The following UPP2 variants were observed in gnomAD, a reference collection of about 807,000 sequenced individuals.
The protein encoded by UPP2 is uridine phosphorylase 2, also known as UPase 2.
In UPP2, 23 loss-of-function variants were observed where a neutral mutation model predicts 26.7. The ratio of observed to expected loss-of-function variants is 0.86; its 90% CI spans 0.62 to 1.22. UPP2 has a LOEUF of 1.22. Among genes scored for constraint, UPP2 ranks in the 50% most tolerant of loss-of-function variants. The pLI is 0.00. For synonymous variants in UPP2, 127 were observed against 141.3 expected, an observed-to-expected ratio of 0.90 and a Z score of 0.72; for missense variants, 387 against 396.7, an observed-to-expected ratio of 0.98 and a Z score of 0.21.
intron 3 of UPP2, among the ~76,000 whole-genome samples, chr2:158,047,422 T>A (rs1231922048): frequency 6.6e-6 from 1 of 152,234 alleles, no homozygotes; most frequent in Non-Finnish European, 1.5e-5. Context: ...AGTTTAAACC[T>A]GCCTTTTTCC....
upstream of UPP2, among the ~76,000 whole-genome samples, chr2:158,100,738 T>G (rs1027183699): frequency 3.3e-5 from 5 of 152,244 alleles, no homozygotes; most frequent in African/African-American, 1.2e-4. Context: ...CCAGGATAAG[T>G]GTCCTCAGGA....
intron 3 of UPP2, among the ~76,000 whole-genome samples, chr2:158,072,054 T>G (rs911993889): frequency 2.6e-5 from 4 of 152,148 alleles, no homozygotes; most frequent in African/African-American, 9.7e-5. Context: ...CCTTGGTTCT[T>G]GGACAGCTTT....
At chr2:158,024,104 G>A (rs1007437387) in intron 3 of UPP2, among the ~76,000 whole-genome samples, 15 of 152,154 alleles carry the variant, frequency 9.9e-5, no homozygotes, top group African/African-American at 3.1e-4. Flanking sequence ...CCAATTCTTA[G>A]GTCTTGAGGA....
chr2:158,097,675 C>T (rs1238084454), upstream of UPP2, among the ~76,000 whole-genome samples: 2 of 152,220 alleles, frequency 1.3e-5, no homozygotes, highest in African/African-American at 4.8e-5. Context: ...GCCTCCACTA[C>T]ACCAACCCTC....
chr2:158,131,397 G>A (rs911183084), intron 6 of UPP2, among the ~76,000 whole-genome samples: 28 of 152,150 alleles, frequency 1.8e-4, no homozygotes, highest in African/African-American at 6.8e-4. Context: ...ATAGGGGTGC[G>A]TGGATTCCTA....
At chr2:158,077,314 C>T (rs1268162621) in intron 3 of UPP2, among the ~76,000 whole-genome samples, 1 of 151,940 alleles carries the variant, frequency 6.6e-6, no homozygotes, top group East Asian at 1.9e-4. Flanking sequence ...TATGAAACCA[C>T]AAAAGACTCA....
chr2:158,035,621 C>T (rs76165121), intron 3 of UPP2, among the ~76,000 whole-genome samples: 7,340 of 152,212 alleles, frequency 0.048, 317 homozygotes, highest in East Asian at 0.13. Flanking sequence ...GGCTTGTAAC[C>T]TGAGCTGGCC....
exon 2 of UPP2, chr2:157,995,232 C>A: frequency 1.2e-6 from 2 of 1,613,636 alleles, no homozygotes; most frequent in Non-Finnish European, 1.7e-6. Context: ...GGACCCAGAC[C>A]AAGAAGTGGT....
At chr2:158,132,206 T>A (rs1209600758) in intron 6 of UPP2, among the ~76,000 whole-genome samples, 1 of 152,238 alleles carries the variant, frequency 6.6e-6, no homozygotes, top group East Asian at 1.9e-4. Context: ...TCCTAGGTGA[T>A]GAAATATTTG....
intron 2 of UPP2, among the ~76,000 whole-genome samples, chr2:158,114,722 T>C (rs1261763110): frequency 6.6e-6 from 1 of 152,222 alleles, no homozygotes; most frequent in Non-Finnish European, 1.5e-5. Flanking sequence ...CTTACATCAC[T>C]CACGTGCCGT....
intron 3 of UPP2, among the ~76,000 whole-genome samples, chr2:158,092,477 G>C (rs1291436495): frequency 3.3e-5 from 5 of 152,128 alleles, no homozygotes; most frequent in African/African-American, 4.8e-5. Flanking sequence ...TGGCAATCTG[G>C]AATTCTAGAC....
rs149534935 is a variant in UPP2, at chr2:158,064,844, A to G, written c.148-37196A>G. ...TCCCAACACCATTTATTAAATAGGA[A>G]TCTTTTCCCCATTGCTTTTTTGTGT... On this transcript the variant is annotated intron_variant, in intron 3 of 9. Transcript: ENST00000605860. 6.6e-3 allele frequency among the ~76,000 whole-genome samples: 1,009 copies of G among 152,282 alleles called. 61 individuals are homozygous for G. The East Asian group carries it at 0.1, about 15-fold the overall frequency.
intron 5 of UPP2, among the ~76,000 whole-genome samples, chr2:158,122,485 G>C (rs976077872): frequency 3.3e-5 from 5 of 151,926 alleles, no homozygotes; most frequent in African/African-American, 1.2e-4. Context: ...GGTCCAATAG[G>C]GTTGGGACCC....
chr2:158,117,888 C>T lies in UPP2; in HGVS notation c.404C>T (p.Ala135Val), dbSNP rs1049257511. 6.2e-7 allele frequency: 1 copy of T among 1,613,118 alleles called. No individual in the cohort carries two copies. Among genetic ancestry groups the T allele is most frequent in the African/African-American group, 1.3e-5 (1 of 74,890 alleles). The change falls in exon 4 of 7, where the codon GCA becomes GTA. Residue 135 changes from alanine to valine, a missense_variant. By Grantham distance (64) the Ala-to-Val change is moderately conservative. Transcript: ENST00000005756. ...GAACTCATCAAATTACTCCACCATG[C>T]ACGGTGCTGCGATGTCACCATTATT... is the stretch of plus-strand genomic sequence containing the variant. ...LHELIKLLHH[A>V]RCCDVTIIRI...
intron 2 of UPP2, among the ~76,000 whole-genome samples, chr2:158,011,678 G>A (rs576360642): frequency 1.3e-5 from 2 of 152,072 alleles, no homozygotes; most frequent in East Asian, 1.9e-4. Flanking sequence ...GAGGGAGGGA[G>A]GGAGGGAAGG....
rs190845382 is a variant in UPP2, at chr2:158,094,953, A to G, written c.148-7087A>G. 1.3e-3 allele frequency among the ~76,000 whole-genome samples: 194 copies of G among 152,240 alleles called. 1 individual carries two copies. The highest frequency in any genetic ancestry group is 4.5e-3 in the African/African-American group (186 of 41,536). ...GCTTTCATCAGGTGCTGAAAGACTAACACGGGCTTTAATCTCCAAGGCTTG... is the reference window on the plus strand; with the variant it reads ...GCTTTCATCAGGTGCTGAAAGACTAGCACGGGCTTTAATCTCCAAGGCTTG... On this transcript the variant is annotated intron_variant, in intron 3 of 9. Transcript: ENST00000605860.
chr2:158,057,856 T>G (rs768625039), intron 3 of UPP2, among the ~76,000 whole-genome samples: 2 of 152,136 alleles, frequency 1.3e-5, no homozygotes, highest in African/African-American at 2.4e-5. Flanking sequence ...TGAACTGAAT[T>G]GTGTCCTCCT....
At chr2:158,069,161 A>G (rs1005232742) in intron 3 of UPP2, among the ~76,000 whole-genome samples, 4 of 152,122 alleles carry the variant, frequency 2.6e-5, no homozygotes, top group African/African-American at 9.6e-5. Flanking sequence ...AATGATTGCC[A>G]AGGTACAATA....
chr2:158,018,946 T>C (rs1327737753), intron 3 of UPP2, among the ~76,000 whole-genome samples: 1 of 152,138 alleles, frequency 6.6e-6, no homozygotes, highest in Non-Finnish European at 1.5e-5. Flanking sequence ...AGGGAACTTA[T>C]AGACAGAAGC....
Sources: gnomAD v4.1 joint callset for allele counts (sites outside exome capture counted in the v4.1 genomes callset) on GRCh38, gnomAD v4.1.1 for gene constraint, MANE v1.5 for transcripts, NCBI Gene and HGNC (gene_info 2026-07-23, HGNC 2026-07-21) for gene names.